The following OSBPL1A variants were observed in gnomAD, a reference collection of about 807,000 sequenced individuals.
OSBPL1A encodes oxysterol binding protein like 1A.
In OSBPL1A, 80 loss-of-function variants were observed where a neutral mutation model predicts 137.1. The ratio of observed to expected loss-of-function variants is 0.58; its 90% confidence interval spans 0.49 to 0.70. OSBPL1A has a LOEUF of 0.70. Among genes scored for constraint, OSBPL1A ranks in the 30% least tolerant of loss-of-function variants. OSBPL1A has a pLI of 0.00. For synonymous variants in OSBPL1A, 365 were observed against 389.7 expected, an observed-to-expected ratio of 0.94 and a Z score of 0.75; for missense variants, 970 against 1,129.4, an observed-to-expected ratio of 0.86 and a Z score of 2.02.
In OSBPL1A at chr18:24,192,226, C is replaced by T. The variant is rs149810738; in HGVS notation, c.1677+3899G>A. Among the ~76,000 whole-genome samples, 430 of 152,250 alleles carry T rather than the reference C, an allele frequency of 2.8e-3. 1 individual carries two copies. The highest frequency in any genetic ancestry group is 0.01 in the African/African-American group (418 of 41,546). Reference sequence around the variant, plus strand: ...CTAAGTCACTGAGCATGAACACCAACGACCTAACCTCTGGCTGAGCCCTGC... The same window carrying T: ...CTAAGTCACTGAGCATGAACACCAATGACCTAACCTCTGGCTGAGCCCTGC... On this transcript the variant is annotated intron_variant, in intron 18 of 27. Coordinates refer to ENST00000319481, the MANE Select transcript of OSBPL1A (RefSeq NM_080597.4).
At chr18:24,170,268 G>T (rs1195829229) in intron 24 of OSBPL1A, 59 bp downstream of exon 24, 9 of 1,602,324 alleles carry the variant, frequency 5.6e-6, no homozygotes, top group Non-Finnish European at 6.8e-6. Flanking sequence ...CCTCCAAAAG[G>T]ATTAGTACAC....
chr18:24,371,542 T>A (rs1371867150), intron 2 of OSBPL1A, among the ~76,000 whole-genome samples: 4 of 152,158 alleles, frequency 2.6e-5, no homozygotes, highest in African/African-American at 9.7e-5. Flanking sequence ...CCTCCTTTTT[T>A]GCCTGTCTTC....
intron 21 of OSBPL1A, among the ~76,000 whole-genome samples, chr18:24,175,062 A>C (rs2086388509): frequency 6.9e-6 from 1 of 144,290 alleles, no homozygotes; most frequent in Non-Finnish European, 1.5e-5. Context: ...TATAGGTGTG[A>C]GCCACTGCAA....
At chr18:24,237,993 C>T (rs1489762511) in intron 16 of OSBPL1A, among the ~76,000 whole-genome samples, 1 of 152,136 alleles carries the variant, frequency 6.6e-6, no homozygotes, top group Non-Finnish European at 1.5e-5. Context: ...TTACTTCTTC[C>T]CTTTCTTTTA....
rs1016549204 is a variant in OSBPL1A at position 24,283,562 on chromosome 18, A to G, written c.1175-2614T>C. ...TCTCTACTTAGTTGCTAAATAGCAAAAGAGACTACCATATGCTAGGTGCCA... is the reference window on the plus strand; with the variant it reads ...TCTCTACTTAGTTGCTAAATAGCAAGAGAGACTACCATATGCTAGGTGCCA... On this transcript the variant is annotated intron_variant, in intron 14 of 27. Transcript: ENST00000319481. 5.9e-5 allele frequency among the ~76,000 whole-genome samples: 9 copies of G among 152,210 alleles called. No homozygotes were observed. The South Asian group carries it at 1.2e-3, about 21-fold the overall frequency.
At chr18:24,263,823 C>G (rs537828576) in intron 15 of OSBPL1A, among the ~76,000 whole-genome samples, 21 of 152,058 alleles carry the variant, frequency 1.4e-4, no homozygotes, top group African/African-American at 4.6e-4. Context: ...TTTTTAGTAG[C>G]AAAAAATTTC....
At chr18:24,219,704 C>T (rs1007583198) in intron 17 of OSBPL1A, among the ~76,000 whole-genome samples, 5 of 152,058 alleles carry the variant, frequency 3.3e-5, no homozygotes, top group East Asian at 1.9e-4. Context: ...AGTCTCAGCC[C>T]GTCTCCAAAA....
intron 13 of OSBPL1A, among the ~76,000 whole-genome samples, chr18:24,304,803 TG>T (rs757812093): frequency 2.0e-5 from 3 of 152,352 alleles, no homozygotes; most frequent in South Asian, 2.1e-4. Context: ...GAATTATTCA[TG>T]TTATCACATT....
At chr18:24,251,292 T>A (rs1466029012) in intron 15 of OSBPL1A, among the ~76,000 whole-genome samples, 1 of 152,124 alleles carries the variant, frequency 6.6e-6, no homozygotes, top group Admixed American at 6.6e-5. Context: ...GTGGTTACAG[T>A]GGGCCTTAAG....
chr18:24,184,711 T>C (rs1367314175), intron 18 of OSBPL1A, among the ~76,000 whole-genome samples: 1 of 152,160 alleles, frequency 6.6e-6, no homozygotes, highest in Non-Finnish European at 1.5e-5. Flanking sequence ...ATACCCCATC[T>C]ACATGCCCCC....
intron 21 of OSBPL1A, among the ~76,000 whole-genome samples, chr18:24,172,996 C>A (rs1356649899): frequency 6.6e-6 from 1 of 152,180 alleles, no homozygotes; most frequent in Non-Finnish European, 1.5e-5. Flanking sequence ...ATGGAATCAA[C>A]CTAAATGCCC....
chr18:24,338,627 G>A (rs942507377), intron 5 of OSBPL1A, among the ~76,000 whole-genome samples: 6 of 152,180 alleles, frequency 3.9e-5, no homozygotes, highest in South Asian at 2.1e-4. Flanking sequence ...AGGTACTTGA[G>A]TATAATTTCA....
intron 24 of OSBPL1A, among the ~76,000 whole-genome samples, chr18:24,168,348 A>G (rs537465090): frequency 4.1e-4 from 62 of 152,328 alleles, no homozygotes; most frequent in African/African-American, 1.1e-3. Context: ...ATCTGAGAAC[A>G]ACAAAAGGTT....
At chr18:24,387,621 C>T (rs1005720653) in intron 1 of OSBPL1A, among the ~76,000 whole-genome samples, 7 of 152,086 alleles carry the variant, frequency 4.6e-5, no homozygotes, top group Admixed American at 6.6e-5. Context: ...CGCTTTGTTG[C>T]CCTGGCTGAT....
In OSBPL1A at chr18:24,366,895, T is replaced by C. The variant is rs141110014; in HGVS notation, c.279A>G (p.Arg93=). 3 of 1,611,638 alleles carry C rather than the reference T, an allele frequency of 1.9e-6. No individual in the cohort carries two copies. Among genetic ancestry groups the C allele is most frequent in the Non-Finnish European group, 2.5e-6 (3 of 1,178,918 alleles). The change falls in exon 4 of 28, where the codon CGA becomes CGG. Residue 93 remains arginine (R), a synonymous_variant. Coordinates refer to ENST00000319481, the MANE Select transcript of OSBPL1A (RefSeq NM_080597.4). The part of the protein sequence containing the change: ...TPLHRAAFTG[R]KELVMLLLEY... ...TTGAACATAGAATGATTTTCACCTTTCGTCCTGTAAAGGCAGCTCGATGAA... is the reference window on the plus strand; with the variant it reads ...TTGAACATAGAATGATTTTCACCTTCCGTCCTGTAAAGGCAGCTCGATGAA...
At chr18:24,303,989 A>G (rs1426155980) in intron 13 of OSBPL1A, among the ~76,000 whole-genome samples, 1 of 152,240 alleles carries the variant, frequency 6.6e-6, no homozygotes, top group African/African-American at 2.4e-5. Flanking sequence ...CATTACTATT[A>G]CTATCTCATT....
At position 24,318,613 on chromosome 18, in the gene OSBPL1A, G is replaced by C; in HGVS notation, c.720C>G (p.Gly240=). Residue 240 remains glycine (G), a synonymous_variant, in exon 9 of 28, where the codon GGC becomes GGG. Transcript: ENST00000319481. ...VIYKALKRYE[G]PLWKSSRFFG... Reference sequence around the variant, plus strand: ...CACCTCAACTTACCTTCCAGAGAGGGCCCTCATATCGTTTCAATGCTTTGT... The same window carrying C: ...CACCTCAACTTACCTTCCAGAGAGGCCCCTCATATCGTTTCAATGCTTTGT... 6.2e-7 allele frequency: 1 copy of C among 1,609,388 alleles called. No individual in the cohort carries two copies. Among genetic ancestry groups the C allele is most frequent in the Non-Finnish European group, 8.5e-7 (1 of 1,178,910 alleles).
chr18:24,291,333 A>G (rs1402854231), intron 14 of OSBPL1A, among the ~76,000 whole-genome samples: 3 of 152,210 alleles, frequency 2.0e-5, no homozygotes, highest in African/African-American at 7.2e-5. Context: ...AAAACCACCA[A>G]CTAAAATTTC....
intron 15 of OSBPL1A, among the ~76,000 whole-genome samples, chr18:24,267,141 T>G (rs887278182): frequency 7.0e-6 from 1 of 142,318 alleles, no homozygotes; most frequent in Non-Finnish European, 1.5e-5. Flanking sequence ...TAATTACAGA[T>G]CCAACCTAAG....
Sources: gnomAD v4.1 joint callset for allele counts (sites outside exome capture counted in the v4.1 genomes callset) on GRCh38, gnomAD v4.1.1 for gene constraint, MANE v1.5 for transcripts, NCBI Gene and HGNC (gene_info 2026-07-23, HGNC 2026-07-21) for gene names.